CPNE9: variants seen among roughly 807,000 people sequenced by gnomAD.
CPNE9 encodes the protein copine-9.
Under a neutral mutation model 83.0 loss-of-function variants are expected in CPNE9, and 59 were observed. The ratio of observed to expected loss-of-function variants is 0.71; its 90% CI spans 0.58 to 0.88. The LOEUF (loss-of-function observed/expected upper bound fraction) is 0.88, where lower values mean the gene tolerates loss of function less well. Among genes scored for constraint, CPNE9 ranks in the 40% least tolerant of loss-of-function variants. The probability of loss-of-function intolerance (pLI) is 0.00; values close to 1 mark genes in which losing one functional copy is unlikely to be tolerated. For synonymous variants in CPNE9, 256 were observed against 273.4 expected, an observed-to-expected ratio of 0.94 and a Z score of 0.63; for missense variants, 619 against 720.8, an observed-to-expected ratio of 0.86 and a Z score of 1.62.
At chr3:9,728,775 T>A (rs567399260) in intron 20 of CPNE9, among the ~76,000 whole-genome samples, 1 of 152,046 alleles carries the variant, frequency 6.6e-6, no homozygotes, top group African/African-American at 2.4e-5. Flanking sequence ...TCATTTCTTC[T>A]CCTCTCCCTA....
Position 9,704,085 on chromosome 3 carries a change from A to G in CPNE9, c.68+21A>G. 1.3e-6 allele frequency: 2 copies of G among 1,597,912 alleles called. No individual in the cohort carries two copies. The highest frequency in any genetic ancestry group is 2.3e-5 in the East Asian group (1 of 43,728). ...TGCCGGTGAGCGGGCCGCGCTGGGG[A>G]GGGCTTAGGCACTGGCACTGCCCCA... On this transcript the variant is annotated intron_variant, in intron 1 of 20. Coordinates refer to ENST00000383832, the MANE Select transcript of CPNE9 (RefSeq NM_153635.3). The surrounding 1 kb of genome is among the most constrained non-coding windows in gnomAD (Gnocchi z 7.1).
intron 20 of CPNE9, among the ~76,000 whole-genome samples, chr3:9,728,480 G>A (rs1455506906): frequency 4.6e-5 from 7 of 151,852 alleles, no homozygotes; most frequent in African/African-American, 9.7e-5. Flanking sequence ...AAAATTAGCC[G>A]GGTGTGGTGG....
intron 19 of CPNE9, among the ~76,000 whole-genome samples, 173 bp downstream of exon 19, chr3:9,726,895 T>C (rs1000455617): frequency 8.9e-4 from 136 of 152,222 alleles, no homozygotes; most frequent in Non-Finnish European, 3.4e-4. Flanking sequence ...CCAAGGCTGA[T>C]GATACTAATA....
At chr3:9,725,708 G>C (rs1006446119) in intron 17 of CPNE9, among the ~76,000 whole-genome samples, 1 of 109,758 alleles carries the variant, frequency 9.1e-6, no homozygotes, top group Non-Finnish European at 2.2e-5. Flanking sequence ...GTATATATGT[G>C]TATATATGTG....
At chr3:9,716,965 C>T in intron 14 of CPNE9, 93 bp from the exon 15 acceptor site, 1 of 1,322,994 alleles carries the variant, frequency 7.6e-7, no homozygotes. Flanking sequence ...TTAACATGAG[C>T]CCCACGTGAT....
At chr3:9,713,149 G>T in intron 10 of CPNE9, 70 bp downstream of exon 10, 1 of 1,154,244 alleles carries the variant, frequency 8.7e-7, no homozygotes, top group Admixed American at 1.8e-5. Context: ...GCCCAAGAAT[G>T]ATAGTAGAAG....
Position 9,729,614 on chromosome 3 carries a change from T to TA in CPNE9, c.1585dup (p.Met529AsnfsTer47). On this transcript the variant is annotated frameshift_variant, in exon 21 of 21. Coordinates refer to ENST00000383832, the MANE Select transcript of CPNE9 (RefSeq NM_153635.3). LOFTEE classifies it high-confidence loss of function. ...AGATCCCGGAGCAGCTGCTGTCCTA[T>TA]ATGCGCACCAGAGACATCCAGCCTC... 1 of 1,614,090 alleles carries TA rather than the reference T, an allele frequency of 6.2e-7. No homozygotes were observed. Among genetic ancestry groups the TA allele is most frequent in the Non-Finnish European group, 8.5e-7 (1 of 1,180,012 alleles).
rs934929529 is a variant in CPNE9 at position 9,720,650 on chromosome 3, T to C, written c.1241+2048T>C. Among the ~76,000 whole-genome samples, 21 of 152,362 alleles carry C rather than the reference T, an allele frequency of 1.4e-4. No individual in the cohort carries two copies. The South Asian group carries it at 3.7e-3, about 27-fold the overall frequency. ...TTTCCTTATGTATCCATAATTATAG[T>C]CAAATTATTATACATATAACATTTC... is the stretch of plus-strand genomic sequence containing the variant. On this transcript the variant is annotated intron_variant, in intron 17 of 20. Coordinates refer to ENST00000383832, the MANE Select transcript of CPNE9 (RefSeq NM_153635.3).
At chr3:9,722,078 C>T (rs188340769) in intron 17 of CPNE9, among the ~76,000 whole-genome samples, 192 of 151,990 alleles carry the variant, frequency 1.3e-3, no homozygotes, top group Non-Finnish European at 1.8e-3. Context: ...CCACCATGCC[C>T]GGCTAATTTT....
chr3:9,719,569 T>C (rs569280455), intron 17 of CPNE9, among the ~76,000 whole-genome samples: 4 of 152,360 alleles, frequency 2.6e-5, no homozygotes, highest in African/African-American at 9.6e-5. Context: ...AGCTTCCTTA[T>C]AGAGTTATTG....
intron 7 of CPNE9, among the ~76,000 whole-genome samples, chr3:9,708,273 A>G (rs2076583807): frequency 6.6e-6 from 1 of 152,154 alleles, no homozygotes; most frequent in African/African-American, 2.4e-5. Flanking sequence ...CTTTAAAGCC[A>G]TGCTATTAGA....
chr3:9,720,132 AAAATC>A (rs1030135832), intron 17 of CPNE9, among the ~76,000 whole-genome samples: 5 of 151,990 alleles, frequency 3.3e-5, no homozygotes, highest in African/African-American at 1.2e-4. Flanking sequence ...TGACAGAACT[AAAATC>A]AAACATATGT....
intron 15 of CPNE9, 93 bp downstream of exon 15, chr3:9,717,197 G>GCT: frequency 7.3e-7 from 1 of 1,378,396 alleles, no homozygotes; most frequent in Non-Finnish European, 1.0e-6. Context: ...AGAGATAAGA[G>GCT]TTTACCTACC....
intron 7 of CPNE9, among the ~76,000 whole-genome samples, chr3:9,706,743 G>A (rs955458988): frequency 1.3e-5 from 2 of 152,186 alleles, no homozygotes; most frequent in Non-Finnish European, 2.9e-5. Flanking sequence ...TCAACAGTGC[G>A]GTTGAGCAGG....
intron 10 of CPNE9, among the ~76,000 whole-genome samples, chr3:9,713,872 C>CA (rs2125466034): frequency 6.6e-6 from 1 of 151,912 alleles, no homozygotes; most frequent in East Asian, 1.9e-4. Context: ...GAGATCGAGA[C>CA]CATCCTGGCT....
At chr3:9,728,134 GA>G (rs1280215874) in intron 20 of CPNE9, among the ~76,000 whole-genome samples, 1 of 152,180 alleles carries the variant, frequency 6.6e-6, no homozygotes, top group Non-Finnish European at 1.5e-5. Context: ...AAGTATCTGT[GA>G]CAATTGAATG....
chr3:9,729,412 G>T (rs2076809978), intron 20 of CPNE9, 95 bp from the exon 21 acceptor site: 21 of 1,476,452 alleles, frequency 1.4e-5, no homozygotes, highest in Non-Finnish European at 1.8e-5. Flanking sequence ...TAGTTGGAAA[G>T]AGATGCTGGG....
chr3:9,716,037 TGA>T lies in CPNE9; in HGVS notation c.884+4_884+5del, dbSNP rs1180904692. 6.2e-7 allele frequency: 1 copy of T among 1,607,432 alleles called. No individual in the cohort carries two copies. The highest frequency in any genetic ancestry group is 8.5e-7 in the Non-Finnish European group (1 of 1,176,590). Reference sequence around the variant, plus strand: ...TTTTGTTGATTACATCAAGGGAGGGTGAGTCACAGGCCAAGCTCTGGGCTGAA... The same window carrying T: ...TTTTGTTGATTACATCAAGGGAGGGTGTCACAGGCCAAGCTCTGGGCTGAA... On this transcript the variant is annotated splice_donor_region_variant and intron_variant, in intron 14 of 20. Transcript: ENST00000383832.
chr3:9,710,264 A>G (rs2076613775), intron 7 of CPNE9, among the ~76,000 whole-genome samples: 1 of 152,264 alleles, frequency 6.6e-6, no homozygotes, highest in Non-Finnish European at 1.5e-5. Flanking sequence ...GTTCTCGTGC[A>G]GACAAGACAG....
Sources: allele counts gnomAD v4.1 joint callset (sites outside exome capture counted in the v4.1 genomes callset), GRCh38; gene constraint gnomAD v4.1.1; non-coding constraint Gnocchi (gnomAD v3.1); transcripts MANE v1.5; gene names NCBI Gene and HGNC (gene_info 2026-07-23, HGNC 2026-07-21).